The following SELENOO variants were observed in gnomAD, a reference collection of about 807,000 sequenced individuals.
SELENOO encodes the protein protein adenylyltransferase SelO, mitochondrial.
In SELENOO, 74 loss-of-function variants were observed where a neutral mutation model predicts 58.7. That is an observed-to-expected ratio of 1.26 (90% CI 1.04 to 1.53). The LOEUF (loss-of-function observed/expected upper bound fraction) is 1.53, where lower values mean the gene tolerates loss of function less well. Among genes scored for constraint, SELENOO ranks in the 40% most tolerant of loss-of-function variants. The probability of loss-of-function intolerance (pLI) is 0.00; values close to 1 mark genes in which losing one functional copy is unlikely to be tolerated. For missense variants in SELENOO, 1,149 were observed against 970.0 expected (o/e 1.18, Z -2.45); for synonymous variants, 543 against 453.2 (o/e 1.20, Z -2.52).
At chr22:50,208,430 CAAAAAAA>C in intron 2 of SELENOO, 99 bp from the exon 3 acceptor site, 2 of 874,960 alleles carry the variant, frequency 2.3e-6, no homozygotes, top group Non-Finnish European at 3.2e-6. Flanking sequence ...GACTCCATCT[CAAAAAAA>C]AAAAAAAAAT....
chr22:50,216,871 G>C lies in SELENOO; in HGVS notation c.1683G>C (p.Ala561=). The part of the protein sequence containing the change: ...NQGHWADWLQ[A]YRARLDKDLE... ...GCCACTGGGCTGACTGGCTACAGGCGTACAGGTGAGCCCTGCGTCCATGGT... is the reference window on the plus strand; with the variant it reads ...GCCACTGGGCTGACTGGCTACAGGCCTACAGGTGAGCCCTGCGTCCATGGT... The change falls in exon 7 of 9, where the codon GCG becomes GCC. Residue 561 remains alanine (A), a synonymous_variant. Coordinates refer to ENST00000380903, the MANE Select transcript of SELENOO (RefSeq NM_031454.2). The C allele has an allele frequency of 1.9e-6, 3 of 1,607,228 alleles. No individual in the cohort carries two copies. Among genetic ancestry groups the C allele is most frequent in the Non-Finnish European group, 2.5e-6 (3 of 1,179,820 alleles).
At chr22:50,210,069 G>T in intron 3 of SELENOO, 112 bp from the exon 4 acceptor site, 1 of 1,316,178 alleles carries the variant, frequency 7.6e-7, no homozygotes, top group Non-Finnish European at 1.0e-6. Context: ...AAACTGCAGA[G>T]TGAGAGCCAC....
chr22:50,215,810 A>T lies in SELENOO; in HGVS notation c.1445A>T (p.Glu482Val), dbSNP rs921069886. The change falls in exon 6 of 9, where the codon GAG becomes GTG. Residue 482 changes from glutamate (E) to valine (V), a missense_variant. Transcript: ENST00000380903. The part of the protein sequence containing the change: ...GLAEFLARLM[E>V]QCASLEELRL... ...GCGGAATTCCTGGCCAGGCTGATGG[A>T]GCAGTGTGCCTCCCTGGAGGAGCTG... 6.2e-7 allele frequency: 1 copy of T among 1,612,768 alleles called. No homozygotes were observed. The highest frequency in any genetic ancestry group is 1.7e-5 in the Admixed American group (1 of 60,004).
At chr22:50,209,801 C>G (rs1185677896) in intron 3 of SELENOO, among the ~76,000 whole-genome samples, 1 of 151,870 alleles carries the variant, frequency 6.6e-6, no homozygotes, top group Admixed American at 6.5e-5. Flanking sequence ...TTGGGGGGGG[C>G]CAGGCCAGCA....
intron 3 of SELENOO, 88 bp from the exon 4 acceptor site, chr22:50,210,093 G>C: frequency 6.6e-7 from 1 of 1,504,858 alleles, no homozygotes; most frequent in Non-Finnish European, 9.0e-7. Flanking sequence ...GCGAAGCACA[G>C]CCGGTTTCAG....
intron 1 of SELENOO, among the ~76,000 whole-genome samples, chr22:50,204,091 G>A (rs917776169): frequency 1.3e-5 from 2 of 152,286 alleles, no homozygotes; most frequent in East Asian, 1.9e-4. Flanking sequence ...ATGAGAAGAC[G>A]CTCAACGTCA....
chr22:50,206,760 G>C (rs1187032701), intron 2 of SELENOO, among the ~76,000 whole-genome samples: 1 of 152,214 alleles, frequency 6.6e-6, no homozygotes, highest in Non-Finnish European at 1.5e-5. Context: ...CACTTGTGCT[G>C]AGCCCTCCCA....
chr22:50,214,875 G>C (rs1348935688), intron 5 of SELENOO, among the ~76,000 whole-genome samples: 1 of 152,180 alleles, frequency 6.6e-6, no homozygotes, highest in Non-Finnish European at 1.5e-5. Context: ...TCGTGTCTTT[G>C]AACGTCTTGC....
chr22:50,203,500 AG>A (rs1212984707), intron 1 of SELENOO, among the ~76,000 whole-genome samples: 1 of 152,250 alleles, frequency 6.6e-6, no homozygotes, highest in Admixed American at 6.5e-5. Context: ...TCAGCAAAAC[AG>A]TATGGCATTG....
Position 50,217,514 on chromosome 22 carries a change from C to A in SELENOO, c.*145C>A. 1 of 1,114,510 alleles carries A rather than the reference C, an allele frequency of 9.0e-7. No individual in the cohort carries two copies. Among genetic ancestry groups the A allele is most frequent in the Non-Finnish European group, 1.3e-6 (1 of 785,434 alleles). 69.0% of individuals were successfully genotyped at this position (1,114,510 alleles called of 1,614,324 possible). On this transcript the variant is annotated 3_prime_UTR_variant, in exon 9 of 9. Coordinates refer to ENST00000380903, the MANE Select transcript of SELENOO (RefSeq NM_031454.2). ...CGTCTTTCCATGATGGCAGAGACAT[C>A]CAGTCAGGACCTGACCCGTCTCTGT...
At position 50,217,440 on chromosome 22, in the gene SELENOO, G is replaced by C; in HGVS notation, c.*71G>C. On this transcript the variant is annotated 3_prime_UTR_variant, in exon 9 of 9. Coordinates refer to ENST00000380903, the MANE Select transcript of SELENOO (RefSeq NM_031454.2). ...TGTGCTGCTGAGTGGCCAAGATGATGCCAGGCTGCCCTATACACTGGGGGA... is the reference window on the plus strand; with the variant it reads ...TGTGCTGCTGAGTGGCCAAGATGATCCCAGGCTGCCCTATACACTGGGGGA... 3.2e-6 allele frequency: 5 copies of C among 1,553,822 alleles called. No homozygotes were observed. The highest frequency in any genetic ancestry group is 4.4e-6 in the Non-Finnish European group (5 of 1,145,038).
chr22:50,207,318 T>C (rs2147159977), intron 2 of SELENOO, among the ~76,000 whole-genome samples: 1 of 152,180 alleles, frequency 6.6e-6, no homozygotes, highest in South Asian at 2.1e-4. Context: ...CAGACAGGGT[T>C]TCTCCATGTT....
chr22:50,204,341 G>T (rs957950503), intron 1 of SELENOO, among the ~76,000 whole-genome samples: 1 of 152,122 alleles, frequency 6.6e-6, no homozygotes, highest in African/African-American at 2.4e-5. Flanking sequence ...AAAAATAAAA[G>T]GTTGGTCGGG....
Position 50,208,602 on chromosome 22 carries a change from G to A in SELENOO, c.825G>A (p.Gly275=), listed in dbSNP as rs771760510. The change falls in exon 3 of 9, where the codon GGG becomes GGA. Residue 275 remains glycine, a synonymous_variant. Coordinates refer to ENST00000380903, the MANE Select transcript of SELENOO (RefSeq NM_031454.2). ...EHTGRAGPSV[G]RNDIRVQLLD... ...CAGGGCGTGCAGGCCCCAGCGTGGG[G>A]AGGAACGACATTCGAGTGCAGCTGC... 11 of 1,613,986 alleles carry A rather than the reference G, an allele frequency of 6.8e-6. No individual in the cohort carries two copies. The highest frequency in any genetic ancestry group is 7.6e-6 in the Non-Finnish European group (9 of 1,180,018).
intron 4 of SELENOO, 150 bp from the exon 5 acceptor site, chr22:50,210,480 CA>C (rs1422085321): frequency 1.5e-6 from 2 of 1,364,622 alleles, no homozygotes; most frequent in Non-Finnish European, 2.0e-6. Context: ...AGGCCTTGGC[CA>C]GGGGCTGGTG....
At chr22:50,212,703 C>T (rs566500453) in intron 5 of SELENOO, among the ~76,000 whole-genome samples, 1 of 152,246 alleles carries the variant, frequency 6.6e-6, no homozygotes, top group Non-Finnish European at 1.5e-5. Flanking sequence ...AGTTACACAG[C>T]GTGTGCCTGT....
At position 50,201,150 on chromosome 22, in the gene SELENOO, G is replaced by T; in HGVS notation, c.114G>T (p.Met38Ile). The change falls in exon 1 of 9, where the codon ATG becomes ATT. Residue 38 changes from methionine to isoleucine, a missense_variant. Physicochemically the swap from Met to Ile is conservative, Grantham distance 10. Coordinates refer to ENST00000380903, the MANE Select transcript of SELENOO (RefSeq NM_031454.2). ...APRSTLSGAA[M>I]EPAPRWLAGL... ...GCTCTACGTTGTCGGGCGCCGCCAT[G>T]GAGCCCGCGCCTCGCTGGCTGGCGG... 1 of 1,273,858 alleles carries T rather than the reference G, an allele frequency of 7.9e-7. No individual in the cohort carries two copies. 78.9% of individuals were successfully genotyped at this position (1,273,858 alleles called of 1,614,324 possible). A position where few individuals can be genotyped will look rare whatever the true frequency, so the allele number is the denominator to read the frequency against.
At chr22:50,210,085 GA>G in intron 3 of SELENOO, 95 bp from the exon 4 acceptor site, 1 of 1,465,882 alleles carries the variant, frequency 6.8e-7, no homozygotes, top group South Asian at 1.2e-5. Context: ...GCCACTCAGC[GA>G]AGCACAGCCG....
chr22:50,209,869 C>T (rs914752038), intron 3 of SELENOO, among the ~76,000 whole-genome samples: 1 of 152,220 alleles, frequency 6.6e-6, no homozygotes, highest in Non-Finnish European at 1.5e-5. Context: ...TGTGGCCCCT[C>T]AGTGAACTGA....
Sources: gnomAD v4.1 joint callset for allele counts (sites outside exome capture counted in the v4.1 genomes callset) on GRCh38, gnomAD v4.1.1 for gene constraint, MANE v1.5 for transcripts, NCBI Gene and HGNC (gene_info 2026-07-23, HGNC 2026-07-21) for gene names.